The following HK3 variants were observed in gnomAD, a reference collection of about 807,000 sequenced individuals.
HK3 encodes hexokinase-3.
Under a neutral mutation model 91.0 loss-of-function variants are expected in HK3, and 93 were observed. The observed-to-expected ratio is 1.02, with a 90% CI of 0.86 to 1.21. HK3 has a LOEUF of 1.21. HK3 is among the 50% of genes most tolerant of loss of function. HK3 has a pLI of 0.00. For missense variants in HK3, 1,235 were observed against 1,247.4 expected (o/e 0.99, Z 0.15); for synonymous variants, 519 against 516.9 (o/e 1.00, Z -0.06).
At position 176,881,808 on chromosome 5, in the gene HK3, G is replaced by A. The variant is rs369639684; in HGVS notation, c.2277C>T (p.Ile759=). 2.2e-5 allele frequency: 36 copies of A among 1,613,998 alleles called. No individual in the cohort carries two copies. In the African/African-American group the frequency reaches 2.3e-4, roughly 10 times the overall value. Residue 759 remains isoleucine, a synonymous_variant, in exon 17 of 19, where the codon ATC becomes ATT. Transcript: ENST00000292432. ...TTAAATGTAAAAGGATGTGGCGGAC[G>A]ATCTCCCCCAGGTACATGCCGCTGA... The part of the protein sequence containing the change: ...KMISGMYLGE[I]VRHILLHLTS...
At chr5:176,889,319 T>C in intron 8 of HK3, 62 bp downstream of exon 8, 2 of 1,540,732 alleles carry the variant, frequency 1.3e-6, no homozygotes, top group South Asian at 1.2e-5. Context: ...CAGAAGGGGT[T>C]GGGAGCAGAG....
At chr5:176,885,321 C>G (rs1330266100) in intron 13 of HK3, among the ~76,000 whole-genome samples, 2 of 152,226 alleles carry the variant, frequency 1.3e-5, no homozygotes, top group African/African-American at 4.8e-5. Context: ...TTCCCACATC[C>G]CTGCAAATTC....
chr5:176,888,779 C>A lies in HK3; in HGVS notation c.1000G>T (p.Gly334Cys). The part of the protein sequence containing the change: ...AHLARCGVLF[G>C]GCTSPALLSQ... ...AGCAGGGCAGGGGAGGTGCAGCCAC[C>A]AAAGAGGACCCCACACCGGGCCAAG... is the stretch of plus-strand genomic sequence containing the variant. Residue 334 changes from glycine to cysteine, a missense_variant, in exon 9 of 19, where the codon GGT (glycine) becomes TGT (cysteine). This residue lies in a region of HK3 where 717 missense variants were observed against 751.6 expected (regional missense o/e 0.95). Transcript: ENST00000292432. 1 of 1,614,174 alleles carries A rather than the reference C, an allele frequency of 6.2e-7. No individual in the cohort carries two copies.
Position 176,891,045 on chromosome 5 carries a change from C to A in HK3, c.406G>T (p.Gly136Cys). The A allele has an allele frequency of 6.2e-7, 1 of 1,613,996 alleles. No individual in the cohort carries two copies. Among genetic ancestry groups the A allele is most frequent in the East Asian group, 2.2e-5 (1 of 44,868 alleles). ...GGGCAGTGAGTGCTTACCTGCTGGC[C>A]AGCACCCAGCATCACCTCTTGGGGG... is the stretch of plus-strand genomic sequence containing the variant. ...VIPQEVMLGA[G>C]QQLFDFAAHC... The change falls in exon 4 of 19, where the codon GGC becomes TGC. Residue 136 changes from glycine to cysteine, a missense_variant. Around this residue, in one of 3 missense-constraint regions of HK3, gnomAD observed 717 missense variants for 751.6 expected, o/e 0.95. Transcript: ENST00000292432.
intron 2 of HK3, among the ~76,000 whole-genome samples, chr5:176,894,280 A>G (rs1342684507): frequency 2.0e-5 from 3 of 152,136 alleles, no homozygotes; most frequent in Non-Finnish European, 4.4e-5. Context: ...AACTTTTTTC[A>G]ACCTAAGGTC....
In HK3 at chr5:176,880,957, G is replaced by T; in HGVS notation, c.*116C>A. ...AGCAAGGCCAAATGGCCGCAGAGGG[G>T]TCACACATGGGATGTCCCAGGAGTC... On this transcript the variant is annotated 3_prime_UTR_variant, in exon 19 of 19. Transcript: ENST00000292432. 8.1e-7 allele frequency: 1 copy of T among 1,231,610 alleles called. No homozygotes were observed. 76.3% of individuals were successfully genotyped at this position (1,231,610 alleles called of 1,614,324 possible).
At chr5:176,892,082 T>TGAC in intron 2 of HK3, among the ~76,000 whole-genome samples, 2 of 152,070 alleles carry the variant, frequency 1.3e-5, no homozygotes, top group Non-Finnish European at 2.9e-5. Flanking sequence ...TCCCAAAACA[T>TGAC]TGCTCCAGCC....
chr5:176,886,993 C>A lies in HK3; in HGVS notation c.1857+9G>T. 6.2e-7 allele frequency: 1 copy of A among 1,613,840 alleles called. No individual in the cohort carries two copies. Among genetic ancestry groups the A allele is most frequent in the South Asian group, 1.1e-5 (1 of 90,958 alleles). On this transcript the variant is annotated intron_variant, in intron 13 of 18. Coordinates refer to ENST00000292432, the MANE Select transcript of HK3 (RefSeq NM_002115.3). ...CCCTTGGGAATCACTTCTCTTGGCC[C>A]TCCCTCACCTGGTCTAGGCCAAGCT...
intron 1 of HK3, among the ~76,000 whole-genome samples, chr5:176,898,917 G>C (rs1758973454): frequency 6.6e-6 from 1 of 152,182 alleles, no homozygotes; most frequent in African/African-American, 2.4e-5. Context: ...CAGACTGCTT[G>C]AGCCCAGGAA....
In HK3 at chr5:176,890,855, G is replaced by A. The variant is rs1439805256; in HGVS notation, c.501C>T (p.Phe167=). 3 of 1,614,146 alleles carry A rather than the reference G, an allele frequency of 1.9e-6. No homozygotes were observed. The East Asian group carries it at 6.7e-5, about 36-fold the overall frequency. ...AGCCCGTCTGGTGACAAGGGAAAGA[G>A]AAGCTGAAGCCAAGCTGCAGACCCT... ...NKQGLQLGFS[F]SFPCHQTGLD... is the part of the protein sequence containing the mutation. Residue 167 remains phenylalanine (F), a synonymous_variant, in exon 5 of 19, where the codon TTC becomes TTT. Transcript: ENST00000292432.
At position 176,889,675 on chromosome 5, in the gene HK3, C is replaced by T. The variant is rs777300098; in HGVS notation, c.700G>A (p.Val234Ile). Residue 234 changes from valine (V) to isoleucine (I), a missense_variant, in exon 7 of 19, where the codon GTC becomes ATC. By Grantham distance (29) the Val-to-Ile change is conservative. This residue lies in a region of HK3 where 717 missense variants were observed against 751.6 expected (regional missense o/e 0.95). Coordinates refer to ENST00000292432, the MANE Select transcript of HK3 (RefSeq NM_002115.3). ...ACTAGCCCAACCTCACACGGCCTGA[C>T]CCCCGGCTCACAGCCCATCATGGTG... ...VGTMMGCEPG[V>I]RPCEVGLVVD... The T allele has an allele frequency of 6.2e-7, 1 of 1,614,096 alleles. No individual in the cohort carries two copies.
intron 1 of HK3, among the ~76,000 whole-genome samples, chr5:176,897,383 G>A (rs1484831431): frequency 1.3e-5 from 2 of 152,144 alleles, no homozygotes; most frequent in Non-Finnish European, 1.5e-5. Context: ...GGGAAACACA[G>A]CAGAGGGCCC....
rs75391723 is a variant in HK3, at chr5:176,888,159, C to G, written c.1304+173G>C. ...CCCTTGCACACACAAAGGGAAGCAT[C>G]GTTTCTCTCCTTGGATGTCTTCTGG... is the stretch of plus-strand genomic sequence containing the variant. On this transcript the variant is annotated intron_variant, in intron 10 of 18. Coordinates refer to ENST00000292432, the MANE Select transcript of HK3 (RefSeq NM_002115.3). Among the ~76,000 whole-genome samples the G allele has an allele frequency of 6.6e-3, 1,002 of 152,298 alleles. 10 individuals carry two copies. The highest frequency in any genetic ancestry group is 0.011 in the Non-Finnish European group (728 of 68,022).
Position 176,888,491 on chromosome 5 carries a change from T to G in HK3, c.1145A>C (p.Glu382Ala). 1 of 1,553,744 alleles carries G rather than the reference T, an allele frequency of 6.4e-7. No individual in the cohort carries two copies. Among genetic ancestry groups the G allele is most frequent in the Non-Finnish European group, 8.7e-7 (1 of 1,148,050 alleles). The change falls in exon 10 of 19, where the codon GAG becomes GCG. Residue 382 changes from glutamate to alanine, a missense_variant. Coordinates refer to ENST00000292432, the MANE Select transcript of HK3 (RefSeq NM_002115.3). ...GGCCGCACAGACGTGCTGCACAAGC[T>G]CAACATCCGAAGCCCCAGGGCTCAG... ...LGLSPGASDV[E>A]LVQHVCAAVC... is the part of the protein sequence containing the mutation.
At chr5:176,886,474 G>A (rs796157120) in intron 13 of HK3, among the ~76,000 whole-genome samples, 6 of 151,984 alleles carry the variant, frequency 3.9e-5, no homozygotes, top group East Asian at 3.9e-4. Flanking sequence ...TATTGTTTCC[G>A]TGACAGGCTT....
intron 6 of HK3, 128 bp from the exon 7 acceptor site, chr5:176,889,872 T>C (rs1388606433): frequency 2.8e-6 from 2 of 721,234 alleles, no homozygotes; most frequent in Non-Finnish European, 4.8e-6. Flanking sequence ...CATGTCTGCA[T>C]GCCACACACA....
rs1032420601 is a variant in HK3 at position 176,884,484 on chromosome 5, C to A, written c.1858-350G>T. Among the ~76,000 whole-genome samples, 1 of 152,152 alleles carries A rather than the reference C, an allele frequency of 6.6e-6. No homozygotes were observed. Among genetic ancestry groups the A allele is most frequent in the African/African-American group, 2.4e-5 (1 of 41,420 alleles). ...GGTAAAGTGAGTGCTGTGTGTGAGA[C>A]AGGGGAGGACAGAGAAGGCTCAGAG... is the stretch of plus-strand genomic sequence containing the variant. On this transcript the variant is annotated intron_variant, in intron 13 of 18. Transcript: ENST00000292432. The surrounding 1 kb of genome is among the most constrained non-coding windows in gnomAD (Gnocchi z 4.1).
intron 2 of HK3, among the ~76,000 whole-genome samples, chr5:176,893,337 C>T (rs940682365): frequency 6.6e-6 from 1 of 152,176 alleles, no homozygotes; most frequent in Non-Finnish European, 1.5e-5. Flanking sequence ...TGGAAAGAAA[C>T]CCCAGATGAT....
intron 1 of HK3, 64 bp from the exon 2 acceptor site, chr5:176,896,249 C>G (rs1309583102): frequency 6.2e-6 from 5 of 807,280 alleles, no homozygotes; most frequent in Non-Finnish European, 7.6e-6. Context: ...AGTCTGTAAC[C>G]CAGACCAACT....
Sources: gnomAD v4.1 joint callset for allele counts (sites outside exome capture counted in the v4.1 genomes callset) on GRCh38, gnomAD v4.1.1 for gene constraint, gnomAD v4.1.1 regional missense constraint, Gnocchi (gnomAD v3.1) non-coding constraint, MANE v1.5 for transcripts, NCBI Gene and HGNC (gene_info 2026-07-23, HGNC 2026-07-21) for gene names.